Variants in ITSN2 observed in about 807,000 individuals in gnomAD.
ITSN2 encodes intersectin-2.
A neutral mutation model predicts 243.7 loss-of-function variants in ITSN2; 156 were observed. The observed-to-expected ratio is 0.64, with a 90% confidence interval of 0.56 to 0.73. The LOEUF (loss-of-function observed/expected upper bound fraction) is 0.73, where lower values mean the gene tolerates loss of function less well. ITSN2 is among the 30% of genes least tolerant of loss of function. The pLI, the probability that ITSN2 is intolerant of heterozygous loss-of-function variation, is 0.00. For synonymous variants in ITSN2, 703 were observed against 699.9 expected (o/e 1.00, Z -0.07); for missense variants, 1,801 against 1,996.1 (o/e 0.90, Z 1.86).
Position 24,249,012 on chromosome 2 carries a change from A to G in ITSN2, c.3121-130T>C. ...CTCTTTAAATGAAGATGAAAATGAC[A>G]ATGAACCTCATGCAGTATTAACAAA... is the stretch of plus-strand genomic sequence containing the variant. On this transcript the variant is annotated intron_variant, in intron 25 of 39. Transcript: ENST00000355123. The surrounding 1 kb of genome is among the most constrained non-coding windows in gnomAD (Gnocchi z 4.4). 1.1e-6 allele frequency: 1 copy of G among 906,338 alleles called. No individual in the cohort carries two copies. The highest frequency in any genetic ancestry group is 2.5e-5 in the East Asian group (1 of 39,962). 56.1% of individuals were successfully genotyped at this position (906,338 alleles called of 1,614,324 possible). A position where few individuals can be genotyped will look rare whatever the true frequency, so the allele number is the denominator to read the frequency against.
At chr2:24,298,227 A>G (rs1441334854) in intron 13 of ITSN2, among the ~76,000 whole-genome samples, 4 of 151,800 alleles carry the variant, frequency 2.6e-5, no homozygotes, top group Non-Finnish European at 5.9e-5. Flanking sequence ...GCGCGATCTC[A>G]GCTCACTGCA....
At position 24,225,719 on chromosome 2, in the gene ITSN2, C is replaced by T. The variant is rs138807395; in HGVS notation, c.3578-4653G>A. Among the ~76,000 whole-genome samples the T allele has an allele frequency of 2.4e-4, 36 of 152,276 alleles. No individual in the cohort carries two copies. The highest frequency in any genetic ancestry group is 6.5e-4 in the African/African-American group (27 of 41,552). ...AATGCTGCAGGCTGTATATCTCACT[C>T]GCAGGGCCCCAGTGCACATTAGCCT... On this transcript the variant is annotated intron_variant, in intron 29 of 39. Coordinates refer to ENST00000355123, the MANE Select transcript of ITSN2 (RefSeq NM_006277.3). The surrounding 1 kb of genome is among the most constrained non-coding windows in gnomAD (Gnocchi z 4.2).
At chr2:24,318,417 C>A (rs1200166899) in intron 2 of ITSN2, among the ~76,000 whole-genome samples, 1 of 152,154 alleles carries the variant, frequency 6.6e-6, no homozygotes, top group Non-Finnish European at 1.5e-5. Context: ...TAATCTGTGT[C>A]ATGTTTTTGG....
At chr2:24,359,536 TAATA>T in intron 1 of ITSN2, among the ~76,000 whole-genome samples, 1 of 152,302 alleles carries the variant, frequency 6.6e-6, no homozygotes, top group South Asian at 2.1e-4. Context: ...GGCGCATAAT[TAATA>T]AATCCAAACG....
chr2:24,321,011 A>G (rs973667377), intron 2 of ITSN2, among the ~76,000 whole-genome samples: 1 of 152,232 alleles, frequency 6.6e-6, no homozygotes, highest in Non-Finnish European at 1.5e-5. Context: ...AAAATTTGCT[A>G]GAAGTCAAGA....
chr2:24,328,483 A>C (rs1685406262), intron 1 of ITSN2, among the ~76,000 whole-genome samples: 1 of 151,688 alleles, frequency 6.6e-6, no homozygotes, highest in South Asian at 2.1e-4. Flanking sequence ...TTTTTTTTTA[A>C]ATAGAGTCTC....
At chr2:24,334,278 T>C (rs1574349580) in intron 1 of ITSN2, among the ~76,000 whole-genome samples, 1 of 152,028 alleles carries the variant, frequency 6.6e-6, no homozygotes, top group East Asian at 1.9e-4. Context: ...AGGCTGGTTT[T>C]GAACTCCTGA....
rs763447173 is a variant in ITSN2, at chr2:24,209,846, G to A, written c.4445C>T (p.Ser1482Phe). Residue 1482 changes from serine (S) to phenylalanine (F), a missense_variant, in exon 35 of 40, where the codon TCC becomes TTC. By Grantham distance (155) the Ser-to-Phe change is radical. Transcript: ENST00000355123. ...SGSEKLFSSK[S>F]NAQFKMYKTP... ...TTTATACATTTTGAATTGAGCATTG[G>A]ACTTCGAGCTGAAAAGTTTCTCAGA... The A allele has an allele frequency of 1.9e-6, 3 of 1,614,110 alleles. No individual in the cohort carries two copies. In the East Asian group the frequency reaches 6.7e-5, roughly 36 times the overall value.
At chr2:24,357,307 T>A (rs973565359) in intron 1 of ITSN2, among the ~76,000 whole-genome samples, 4 of 152,168 alleles carry the variant, frequency 2.6e-5, no homozygotes, top group Admixed American at 6.5e-5. Context: ...TAAAAAGGAA[T>A]GAGATCATGT....
At chr2:24,214,920 G>A (rs1669823927) in intron 32 of ITSN2, among the ~76,000 whole-genome samples, 1 of 151,790 alleles carries the variant, frequency 6.6e-6, no homozygotes, top group Non-Finnish European at 1.5e-5. Flanking sequence ...AACCCAACAG[G>A]AAATATGAAA....
At chr2:24,301,568 C>T (rs921366798) in intron 10 of ITSN2, among the ~76,000 whole-genome samples, 6 of 151,438 alleles carry the variant, frequency 4.0e-5, no homozygotes, top group African/African-American at 9.7e-5. Flanking sequence ...CTCTGCTGCC[C>T]AGGCTAGAGT....
chr2:24,206,363 G>T (rs1461956395), intron 37 of ITSN2: 2 of 350,736 alleles, frequency 5.7e-6, no homozygotes, highest in East Asian at 1.1e-4. Context: ...TGCATGGGGG[G>T]GCCCGGCGGG....
chr2:24,287,531 ATT>A lies in ITSN2; in HGVS notation c.1724-1182_1724-1181del, dbSNP rs571868727. On this transcript the variant is annotated intron_variant, in intron 15 of 39. Coordinates refer to ENST00000355123, the MANE Select transcript of ITSN2 (RefSeq NM_006277.3). ...GCGCAAATATCTCTTTGAGACAGTA[ATT>A]TTGTTTCCTTTGAATATATATTCAG... Among the ~76,000 whole-genome samples the A allele has an allele frequency of 1.6e-4, 24 of 152,216 alleles. No homozygotes were observed. In the East Asian group the frequency reaches 4.4e-3, roughly 28 times the overall value.
chr2:24,326,655 C>T (rs1269061405), intron 2 of ITSN2: 2 of 169,008 alleles, frequency 1.2e-5, no homozygotes, highest in African/African-American at 4.8e-5. Context: ...AGGAGCAATA[C>T]TCACATTAAT....
intron 15 of ITSN2, among the ~76,000 whole-genome samples, chr2:24,287,060 AAAAAATT>A (rs1391038097): frequency 6.6e-6 from 1 of 152,176 alleles, no homozygotes. Flanking sequence ...CATACAGAGT[AAAAAATT>A]AAAACACCTC....
At position 24,214,833 on chromosome 2, in the gene ITSN2, T is replaced by C. The variant is rs571931720; in HGVS notation, c.3990+1216A>G. Among the ~76,000 whole-genome samples the C allele has an allele frequency of 6.6e-5, 10 of 152,368 alleles. No homozygotes were observed. In the South Asian group the frequency reaches 1.9e-3, roughly 28 times the overall value. On this transcript the variant is annotated intron_variant, in intron 32 of 39. Transcript: ENST00000355123. ...CTACTCTTTTCTGATAATGAAAATATTTAAATTATATACTCTCCTTAAGTA... is the reference window on the plus strand; with the variant it reads ...CTACTCTTTTCTGATAATGAAAATACTTAAATTATATACTCTCCTTAAGTA...
intron 1 of ITSN2, among the ~76,000 whole-genome samples, chr2:24,359,717 A>G (rs969134762): frequency 6.6e-6 from 1 of 152,204 alleles, no homozygotes; most frequent in African/African-American, 2.4e-5. Context: ...TCTGGAAGTC[A>G]ATAACGCTGA....
At chr2:24,238,049 T>C (rs1672353678) in intron 29 of ITSN2, among the ~76,000 whole-genome samples, 1 of 152,138 alleles carries the variant, frequency 6.6e-6, no homozygotes. Context: ...CACTCCACCA[T>C]CCTACCCACC....
chr2:24,256,939 G>C (rs980796583), intron 23 of ITSN2, among the ~76,000 whole-genome samples: 3 of 152,184 alleles, frequency 2.0e-5, no homozygotes, highest in Non-Finnish European at 4.4e-5. Context: ...TCAGTAAAGA[G>C]TTACTTAAAT....
Sources: allele counts gnomAD v4.1 joint callset (sites outside exome capture counted in the v4.1 genomes callset), GRCh38; gene constraint gnomAD v4.1.1; non-coding constraint Gnocchi (gnomAD v3.1); transcripts MANE v1.5; gene names NCBI Gene and HGNC (gene_info 2026-07-23, HGNC 2026-07-21).